The following TOM1 variants were observed in gnomAD, a reference collection of about 807,000 sequenced individuals.
TOM1 encodes target of myb1 membrane trafficking protein.
A neutral mutation model predicts 61.3 loss-of-function variants in TOM1; 38 were observed. The ratio of observed to expected loss-of-function variants is 0.62; its 90% CI spans 0.48 to 0.81. TOM1 has a LOEUF of 0.81. TOM1 is among the 40% of genes least tolerant of loss of function. The pLI is 0.00. For missense variants in TOM1, 591 were observed against 659.6 expected, an observed-to-expected ratio of 0.90 and a Z score of 1.14; for synonymous variants, 270 against 268.8, an observed-to-expected ratio of 1.00 and a Z score of -0.04.
At chr22:35,332,501 G>A (rs561769937) in intron 8 of TOM1, among the ~76,000 whole-genome samples, 30 of 152,024 alleles carry the variant, frequency 2.0e-4, no homozygotes, top group African/African-American at 6.5e-4. Context: ...AAGTCTTCTC[G>A]ATCTATCACA....
intron 1 of TOM1, among the ~76,000 whole-genome samples, chr22:35,306,696 T>C (rs2145610435): frequency 6.6e-6 from 1 of 152,196 alleles, no homozygotes. Context: ...AGACAGGAAG[T>C]CTCTGTAATT....
chr22:35,305,958 T>C (rs1171894774), intron 1 of TOM1, among the ~76,000 whole-genome samples: 2 of 152,156 alleles, frequency 1.3e-5, no homozygotes, highest in African/African-American at 2.4e-5. Context: ...TAGTAAATAC[T>C]TGTGGCTTCG....
At chr22:35,325,377 G>T (rs1192271186) in intron 6 of TOM1, among the ~76,000 whole-genome samples, 2 of 152,144 alleles carry the variant, frequency 1.3e-5, no homozygotes, top group African/African-American at 4.8e-5. Flanking sequence ...ACCCCTCAGA[G>T]TTACAGATAT....
intron 2 of TOM1, among the ~76,000 whole-genome samples, chr22:35,321,435 G>A (rs1927771005): frequency 6.6e-6 from 1 of 151,732 alleles, no homozygotes; most frequent in African/African-American, 2.4e-5. Context: ...CTCTCACTCT[G>A]TTGCCCAGGC....
At chr22:35,346,764 AG>A (rs1482433144) in intron 13 of TOM1, among the ~76,000 whole-genome samples, 165 bp from the exon 14 acceptor site, 2 of 152,076 alleles carry the variant, frequency 1.3e-5, no homozygotes, top group Admixed American at 1.3e-4. Flanking sequence ...CGGCTCAGGG[AG>A]GAGCCCAGGT....
At position 35,323,279 on chromosome 22, in the gene TOM1, G is replaced by A. The variant is rs113307644; in HGVS notation, c.366+102G>A. On this transcript the variant is annotated intron_variant, in intron 4 of 14. Coordinates refer to ENST00000449058, the MANE Select transcript of TOM1 (RefSeq NM_005488.3). The surrounding 1 kb of genome is among the most constrained non-coding windows in gnomAD (Gnocchi z 4.2). Reference sequence around the variant, plus strand: ...GGCCATCGTGTTTGTCCCAGGCTCCGCTTCTCATTTCGGGGCGTCTCGGTT... The same window carrying A: ...GGCCATCGTGTTTGTCCCAGGCTCCACTTCTCATTTCGGGGCGTCTCGGTT... The A allele has an allele frequency of 3.9e-4, 590 of 1,502,516 alleles. 6 individuals are homozygous for A. In the South Asian group the frequency reaches 5.0e-3, roughly 13 times the overall value. 93.1% of individuals were successfully genotyped at this position (1,502,516 alleles called of 1,614,324 possible).
intron 1 of TOM1, 58 bp downstream of exon 1, chr22:35,300,038 C>T: frequency 6.5e-7 from 1 of 1,541,450 alleles, no homozygotes; most frequent in Non-Finnish European, 8.8e-7. Flanking sequence ...AGCTTCGGTC[C>T]CCTGGGAAGC....
At chr22:35,334,070 A>G (rs1242852696) in intron 10 of TOM1, among the ~76,000 whole-genome samples, 1 of 152,220 alleles carries the variant, frequency 6.6e-6, no homozygotes, top group Non-Finnish European at 1.5e-5. Context: ...CTTCCCCAGC[A>G]GAATCAATGG....
chr22:35,345,407 C>G, intron 12 of TOM1: 1 of 450,644 alleles, frequency 2.2e-6, no homozygotes, highest in South Asian at 2.5e-5. Flanking sequence ...GGCCATTGCC[C>G]AAAGCCCCTC....
chr22:35,338,111 G>T (rs1331295731), intron 11 of TOM1, among the ~76,000 whole-genome samples: 1 of 152,136 alleles, frequency 6.6e-6, no homozygotes, highest in Non-Finnish European at 1.5e-5. Flanking sequence ...AGCCTTGCGT[G>T]CCCTCCCAGT....
chr22:35,323,015 C>T lies in TOM1; in HGVS notation c.217-13C>T, dbSNP rs1216774802. 6.2e-7 allele frequency: 1 copy of T among 1,613,654 alleles called. No individual in the cohort carries two copies. The highest frequency in any genetic ancestry group is 1.7e-5 in the Admixed American group (1 of 59,978). On this transcript the variant is annotated splice_polypyrimidine_tract_variant and intron_variant, in intron 3 of 14. Coordinates refer to ENST00000449058, the MANE Select transcript of TOM1 (RefSeq NM_005488.3). This position sits in a 1 kb window ranked among gnomAD's most constrained non-coding sequence, Gnocchi z 4.2. ...CTGACCAAGGTGCTCGACGGCACCT[C>T]TCGGCCCTCCAGGTCTTAGAAACCT...
intron 11 of TOM1, among the ~76,000 whole-genome samples, chr22:35,334,717 G>A (rs184158492): frequency 8.7e-4 from 133 of 152,274 alleles, no homozygotes; most frequent in Admixed American, 1.7e-3. Flanking sequence ...ATCAGAGGGG[G>A]AAACTGAGGC....
Position 35,347,318 on chromosome 22 carries a change from C to A in TOM1, c.*109C>A. ...AGGCTGCTTTGGGGGTGGCTTGTTA[C>A]CCCCTTTTCCTCCTCTTTGAAGACG... On this transcript the variant is annotated 3_prime_UTR_variant, in exon 15 of 15. Coordinates refer to ENST00000449058, the MANE Select transcript of TOM1 (RefSeq NM_005488.3). 1 of 1,200,076 alleles carries A rather than the reference C, an allele frequency of 8.3e-7. No homozygotes were observed. The highest frequency in any genetic ancestry group is 1.1e-6 in the Non-Finnish European group (1 of 874,414). The allele number at this position is 1,200,076 out of a possible 1,614,324, so 74.3% of individuals were successfully genotyped here.
chr22:35,339,755 T>G (rs1601712384), intron 12 of TOM1, among the ~76,000 whole-genome samples: 1 of 151,762 alleles, frequency 6.6e-6, no homozygotes, highest in East Asian at 1.9e-4. Flanking sequence ...ATACAAAAAA[T>G]TAGCCGGGCG....
chr22:35,315,444 G>T (rs1927195810), intron 1 of TOM1, among the ~76,000 whole-genome samples: 1 of 152,220 alleles, frequency 6.6e-6, no homozygotes, highest in African/African-American at 2.4e-5. Flanking sequence ...AGGGACACTT[G>T]TTTGGCCCGC....
intron 3 of TOM1, chr22:35,322,290 C>T (rs1927862947): frequency 2.2e-6 from 1 of 462,108 alleles, no homozygotes; most frequent in Non-Finnish European, 3.9e-6. Context: ...GCAGGGAGAG[C>T]CTGGGCCAAA....
chr22:35,322,166 C>T (rs1927852006), intron 3 of TOM1, 129 bp downstream of exon 3: 9 of 782,552 alleles, frequency 1.2e-5, no homozygotes, highest in Admixed American at 2.3e-5. Flanking sequence ...CTGTAGGCAA[C>T]GCACTGTCCT....
intron 1 of TOM1, among the ~76,000 whole-genome samples, chr22:35,314,348 A>G (rs1379375179): frequency 6.6e-6 from 1 of 151,530 alleles, no homozygotes; most frequent in African/African-American, 2.4e-5. Flanking sequence ...CCCCGCAGAA[A>G]ACCTCCGTCT....
chr22:35,317,514 G>A (rs1023679838), intron 1 of TOM1, among the ~76,000 whole-genome samples: 3 of 152,180 alleles, frequency 2.0e-5, no homozygotes, highest in Non-Finnish European at 2.9e-5. Flanking sequence ...AGTCAAGGGA[G>A]AACATCTTAT....
Sources: gnomAD v4.1 joint callset for allele counts (sites outside exome capture counted in the v4.1 genomes callset) on GRCh38, gnomAD v4.1.1 for gene constraint, Gnocchi (gnomAD v3.1) non-coding constraint, MANE v1.5 for transcripts, NCBI Gene and HGNC (gene_info 2026-07-23, HGNC 2026-07-21) for gene names.